The following CCDC3 variants were observed in gnomAD, a reference collection of about 807,000 sequenced individuals.
The protein encoded by CCDC3 is coiled-coil domain-containing protein 3.
Under a neutral mutation model 21.4 loss-of-function variants are expected in CCDC3, and 24 were observed. The observed-to-expected ratio is 1.12, with a 90% CI of 0.81 to 1.58. The LOEUF is 1.58. Ranked by LOEUF, CCDC3 falls within the 40% of genes most tolerant of loss-of-function variation. The pLI is 0.00. For missense variants in CCDC3, 425 were observed against 360.9 expected (o/e 1.18, Z -1.44); for synonymous variants, 186 against 166.0 (o/e 1.12, Z -0.93).
chr10:12,920,993 G>A (rs918118238), intron 2 of CCDC3, among the ~76,000 whole-genome samples: 3 of 152,122 alleles, frequency 2.0e-5, no homozygotes, highest in African/African-American at 7.2e-5. Context: ...CCTAACCCTC[G>A]GCAGCATATG....
At chr10:12,899,220 C>T (rs1019735449) in intron 2 of CCDC3, among the ~76,000 whole-genome samples, 8 of 152,100 alleles carry the variant, frequency 5.3e-5, no homozygotes, top group South Asian at 2.1e-4. Context: ...GGAAAGAAAA[C>T]GCCAGTATCT....
At chr10:12,947,988 C>T (rs1230774327) in intron 2 of CCDC3, among the ~76,000 whole-genome samples, 1 of 152,180 alleles carries the variant, frequency 6.6e-6, no homozygotes, top group Non-Finnish European at 1.5e-5. Flanking sequence ...ACACATGCAG[C>T]CTGACTCCAG....
intron 5 of CCDC3, among the ~76,000 whole-genome samples, chr10:13,007,572 C>T (rs564994967): frequency 2.6e-5 from 4 of 152,092 alleles, no homozygotes; most frequent in Admixed American, 6.6e-5. Context: ...TCTCCCGGAA[C>T]ATGCTGAGCT....
intron 2 of CCDC3, among the ~76,000 whole-genome samples, chr10:12,970,644 C>T (rs1473258295): frequency 1.3e-5 from 2 of 152,180 alleles, no homozygotes; most frequent in Admixed American, 6.5e-5. Flanking sequence ...TTTGGGAGGC[C>T]GAGGCAGGGC....
At chr10:13,030,373 C>G (rs937533172) in intron 5 of CCDC3, among the ~76,000 whole-genome samples, 21 of 152,184 alleles carry the variant, frequency 1.4e-4, no homozygotes, top group Middle Eastern at 3.4e-3. Context: ...ACCGGTACCA[C>G]CCACTGCAAA....
Position 12,994,756 on chromosome 10 carries a change from C to T in CCDC3, c.549+3582G>A, listed in dbSNP as rs1251122. ...GCTTGCCTTCCCACAGAAAAAGAAA[C>T]GCTTAAAGTTTTTGGGTTTTTTTAA... On this transcript the variant is annotated intron_variant, in intron 2 of 2. Coordinates refer to ENST00000378825, the MANE Select transcript of CCDC3 (RefSeq NM_031455.4). Among the ~76,000 whole-genome samples, 669 of 152,034 alleles carry T rather than the reference C, an allele frequency of 4.4e-3. 8 individuals carry two copies. Among genetic ancestry groups the T allele is most frequent in the African/African-American group, 0.015 (640 of 41,426 alleles).
intron 5 of CCDC3, among the ~76,000 whole-genome samples, chr10:13,014,480 AAG>A (rs1284459802): frequency 1.3e-5 from 2 of 150,432 alleles, no homozygotes; most frequent in East Asian, 1.9e-4. Flanking sequence ...AGAAAAAAAA[AAG>A]AAAAGAAAGA....
At chr10:12,983,031 A>C (rs1835525785) in intron 2 of CCDC3, among the ~76,000 whole-genome samples, 1 of 149,856 alleles carries the variant, frequency 6.7e-6, no homozygotes, top group South Asian at 2.1e-4. Context: ...AGAATGGCTT[A>C]AACCCGGAAG....
intron 3 of CCDC3, among the ~76,000 whole-genome samples, chr10:13,090,106 T>TGTGTCAGAG (rs1436801360): frequency 6.7e-6 from 1 of 148,154 alleles, no homozygotes; most frequent in Non-Finnish European, 1.5e-5. Context: ...TTTTTTTTTT[T>TGTGTCAGAG]TGTGTCAGAG....
At chr10:13,076,140 G>A (rs917746248) in intron 3 of CCDC3, among the ~76,000 whole-genome samples, 9 of 152,276 alleles carry the variant, frequency 5.9e-5, no homozygotes, top group Middle Eastern at 3.4e-3. Flanking sequence ...GGCAGGTCTC[G>A]ATGGCTAACT....
intron 3 of CCDC3, among the ~76,000 whole-genome samples, chr10:13,079,283 T>A (rs1284194078): frequency 3.0e-5 from 4 of 132,564 alleles, no homozygotes; most frequent in Non-Finnish European, 6.6e-5. Context: ...CGTTGTGGCC[T>A]TAGGGGTAAG....
At chr10:12,901,290 G>A (rs61852234) in intron 2 of CCDC3, among the ~76,000 whole-genome samples, 1 of 151,774 alleles carries the variant, frequency 6.6e-6, no homozygotes, top group Admixed American at 6.6e-5. Flanking sequence ...CTTTTTTTGA[G>A]ATGGAGTCTT....
chr10:13,014,404 C>T (rs551073199), intron 5 of CCDC3, among the ~76,000 whole-genome samples: 8 of 145,638 alleles, frequency 5.5e-5, no homozygotes, highest in Non-Finnish European at 7.5e-5. Flanking sequence ...GAGCCAAGAT[C>T]GTGCCGCTGC....
At chr10:12,909,789 A>C (rs1834237708) in intron 2 of CCDC3, among the ~76,000 whole-genome samples, 1 of 152,128 alleles carries the variant, frequency 6.6e-6, no homozygotes, top group Non-Finnish European at 1.5e-5. Context: ...CACTGGTGCT[A>C]TCCACCTGAC....
At chr10:12,936,278 ATTC>A (rs1202071842) in intron 2 of CCDC3, among the ~76,000 whole-genome samples, 1 of 151,810 alleles carries the variant, frequency 6.6e-6, no homozygotes, top group Non-Finnish European at 1.5e-5. Context: ...TTTCTCCTCT[ATTC>A]TTGCTTGCAT....
intron 2 of CCDC3, among the ~76,000 whole-genome samples, chr10:12,915,703 G>T (rs964499236): frequency 1.3e-5 from 2 of 152,190 alleles, no homozygotes; most frequent in African/African-American, 4.8e-5. Flanking sequence ...GAGCCTTTGG[G>T]TAGGCTGGCC....
At chr10:12,963,618 T>C (rs1249456646) in intron 2 of CCDC3, among the ~76,000 whole-genome samples, 6 of 126,532 alleles carry the variant, frequency 4.7e-5, no homozygotes, top group Non-Finnish European at 9.6e-5. Flanking sequence ...GATCTCACTC[T>C]AACCCAGGCT....
intron 2 of CCDC3, among the ~76,000 whole-genome samples, chr10:12,960,131 G>C (rs1283807241): frequency 1.3e-5 from 2 of 149,836 alleles, no homozygotes; most frequent in Non-Finnish European, 3.0e-5. Context: ...TCCAGCCTGG[G>C]CCACAGACCA....
In CCDC3 at chr10:13,017,913, A is replaced by C. The variant is rs1209442418; in HGVS notation, c.-1-19401T>G. On this transcript the variant is annotated intron_variant, in intron 5 of 6. Transcript: ENST00000378839. ...TCAAAATCTTATTCCACATCCTCTG[A>C]AACACCTTCAATTAAATGTCCATGT... is the stretch of plus-strand genomic sequence containing the variant. Among the ~76,000 whole-genome samples, 3 of 152,050 alleles carry C rather than the reference A, an allele frequency of 2.0e-5. 1 individual carries two copies. Among genetic ancestry groups the C allele is most frequent in the Non-Finnish European group, 4.4e-5 (3 of 67,942 alleles).
Sources: gnomAD v4.1 joint callset for allele counts (sites outside exome capture counted in the v4.1 genomes callset) on GRCh38, gnomAD v4.1.1 for gene constraint, MANE v1.5 for transcripts, NCBI Gene and HGNC (gene_info 2026-07-23, HGNC 2026-07-21) for gene names.